The following GRM7 variants were observed in gnomAD, a reference collection of about 807,000 sequenced individuals.
GRM7 encodes metabotropic glutamate receptor 7.
In GRM7, 35 loss-of-function variants were observed where a neutral mutation model predicts 84.5. The ratio of observed to expected loss-of-function variants is 0.41; its 90% CI spans 0.32 to 0.55. The LOEUF is 0.55. GRM7 is among the 20% of genes least tolerant of loss of function. The pLI is 0.19. For missense variants in GRM7, 1,003 were observed against 1,194.6 expected (o/e 0.84, Z 2.36); for synonymous variants, 487 against 455.1 (o/e 1.07, Z -0.89).
intron 2 of GRM7, among the ~76,000 whole-genome samples, chr3:7,179,814 T>C (rs1360733624): frequency 6.6e-6 from 1 of 152,196 alleles, no homozygotes; most frequent in Non-Finnish European, 1.5e-5. Context: ...TAAGTGCATT[T>C]GATATAGGAA....
intron 1 of GRM7, among the ~76,000 whole-genome samples, chr3:6,960,649 G>A (rs866733786): frequency 2.0e-4 from 31 of 151,946 alleles, no homozygotes; most frequent in African/African-American, 7.3e-4. Flanking sequence ...GTATTCCCTG[G>A]AACATGCAGT....
intron 2 of GRM7, among the ~76,000 whole-genome samples, chr3:7,229,044 G>C (rs1171583393): frequency 6.6e-6 from 1 of 152,054 alleles, no homozygotes; most frequent in Non-Finnish European, 1.5e-5. Context: ...GAATCATACA[G>C]TGAAATCAGT....
intron 1 of GRM7, among the ~76,000 whole-genome samples, chr3:7,009,541 CT>C (rs1695299384): frequency 6.6e-6 from 1 of 152,152 alleles, no homozygotes. Flanking sequence ...ACCAGTGGTT[CT>C]TCCATTTCTG....
intron 1 of GRM7, among the ~76,000 whole-genome samples, chr3:6,977,663 C>G (rs533741506): frequency 2.6e-5 from 4 of 152,222 alleles, no homozygotes; most frequent in African/African-American, 9.6e-5. Flanking sequence ...TAATGTGGAT[C>G]AGTACCTTGC....
intron 7 of GRM7, among the ~76,000 whole-genome samples, chr3:7,513,717 G>A (rs1176811022): frequency 1.3e-5 from 2 of 152,062 alleles, no homozygotes; most frequent in Non-Finnish European, 2.9e-5. Flanking sequence ...AATGTTTCCT[G>A]TAAATATACA....
intron 2 of GRM7, among the ~76,000 whole-genome samples, chr3:7,222,848 CT>C (rs1696855602): frequency 6.6e-6 from 1 of 152,070 alleles, no homozygotes; most frequent in Non-Finnish European, 1.5e-5. Context: ...TAAATTATTT[CT>C]TTTTTAGTGC....
In GRM7 at chr3:7,220,662, G is replaced by A. The variant is rs142088758; in HGVS notation, c.736+73994G>A. On this transcript the variant is annotated intron_variant, in intron 2 of 9. Transcript: ENST00000357716. ...TTTAGTTAATGATACGTCAACATTG[G>A]TTGATTAATTGTGACAAGTGCTGCA... Among the ~76,000 whole-genome samples, 406 of 152,314 alleles carry A rather than the reference G, an allele frequency of 2.7e-3. 3 individuals are homozygous for A. Among genetic ancestry groups the A allele is most frequent in the African/African-American group, 8.8e-3 (367 of 41,582 alleles).
chr3:6,872,116 A>G (rs1252429642), intron 1 of GRM7, among the ~76,000 whole-genome samples: 1 of 152,174 alleles, frequency 6.6e-6, no homozygotes. Context: ...TTTGGGAGGT[A>G]TGAAAGATCC....
intron 4 of GRM7, among the ~76,000 whole-genome samples, chr3:7,364,422 A>G (rs1398277937): frequency 6.6e-6 from 1 of 151,862 alleles, no homozygotes; most frequent in Non-Finnish European, 1.5e-5. Context: ...TGTCTAAAAA[A>G]TGTATTTGAG....
In GRM7 at chr3:6,866,535, G is replaced by T. The variant is rs1370216403; in HGVS notation, c.519+4628G>T. On this transcript the variant is annotated intron_variant, in intron 1 of 9. Coordinates refer to ENST00000357716, the MANE Select transcript of GRM7 (RefSeq NM_000844.4). Reference sequence around the variant, plus strand: ...TAGTCAAGTTAATTTCCTGTATTCAGACTGCTTTTGTATTATCTTACAATT... The same window carrying T: ...TAGTCAAGTTAATTTCCTGTATTCATACTGCTTTTGTATTATCTTACAATT... Among the ~76,000 whole-genome samples, 6 of 152,064 alleles carry T rather than the reference G, an allele frequency of 3.9e-5. No individual in the cohort carries two copies. The East Asian group carries it at 1.2e-3, about 29-fold the overall frequency.
chr3:7,342,858 C>G (rs978382174), intron 4 of GRM7, among the ~76,000 whole-genome samples: 1 of 152,130 alleles, frequency 6.6e-6, no homozygotes, highest in Non-Finnish European at 1.5e-5. Flanking sequence ...CCTATGTGGT[C>G]TGTAGCTTTG....
At chr3:7,417,170 T>C (rs774161196) in intron 5 of GRM7, among the ~76,000 whole-genome samples, 8 of 152,144 alleles carry the variant, frequency 5.3e-5, no homozygotes, top group Non-Finnish European at 1.0e-4. Context: ...TCCTAACTAA[T>C]ATGTTTCTTC....
At chr3:7,364,586 G>A (rs1312363600) in intron 4 of GRM7, among the ~76,000 whole-genome samples, 1 of 150,676 alleles carries the variant, frequency 6.6e-6, no homozygotes, top group Admixed American at 6.6e-5. Context: ...CTGACTTTTT[G>A]TTTTTATTCC....
intron 4 of GRM7, among the ~76,000 whole-genome samples, chr3:7,383,151 A>G (rs536518064): frequency 6.6e-6 from 1 of 152,320 alleles, no homozygotes; most frequent in South Asian, 2.1e-4. Context: ...GAAATATCGT[A>G]TTCTCTTCTT....
intron 4 of GRM7, among the ~76,000 whole-genome samples, chr3:7,323,939 C>T (rs1189883220): frequency 1.3e-5 from 2 of 152,108 alleles, no homozygotes; most frequent in African/African-American, 4.8e-5. Context: ...TTATAAGGAG[C>T]AAGCTAGTAA....
chr3:7,140,228 A>G (rs1011482399), intron 1 of GRM7, among the ~76,000 whole-genome samples: 1 of 152,036 alleles, frequency 6.6e-6, no homozygotes, highest in Non-Finnish European at 1.5e-5. Flanking sequence ...CATCTTTCTC[A>G]TGAGAGAGAG....
intron 1 of GRM7, among the ~76,000 whole-genome samples, chr3:6,888,500 A>G (rs1242260835): frequency 1.3e-5 from 2 of 152,088 alleles, no homozygotes; most frequent in Non-Finnish European, 2.9e-5. Flanking sequence ...TCCTTTCCCC[A>G]TTGCTTGTTT....
intron 7 of GRM7, among the ~76,000 whole-genome samples, chr3:7,487,801 A>G (rs1044008243): frequency 1.3e-5 from 2 of 152,212 alleles, no homozygotes; most frequent in African/African-American, 2.4e-5. Context: ...AACAATGCTG[A>G]ATGGATATGT....
At chr3:7,736,027 T>C (rs1702488083) in intron 9 of GRM7, among the ~76,000 whole-genome samples, 1 of 152,176 alleles carries the variant, frequency 6.6e-6, no homozygotes, top group Admixed American at 6.5e-5. Context: ...TTCTCACTTT[T>C]TCACACCCAC....
Sources: allele counts gnomAD v4.1 joint callset (sites outside exome capture counted in the v4.1 genomes callset), GRCh38; gene constraint gnomAD v4.1.1; transcripts MANE v1.5; gene names NCBI Gene and HGNC (gene_info 2026-07-23, HGNC 2026-07-21).